SGCZ: variants seen among roughly 807,000 people sequenced by gnomAD.
The protein encoded by SGCZ is sarcoglycan zeta.
In SGCZ, 40 loss-of-function variants were observed where a neutral mutation model predicts 41.3. The ratio of observed to expected loss-of-function variants is 0.97; its 90% CI spans 0.75 to 1.26. The LOEUF is 1.26. Ranked by LOEUF, SGCZ falls within the 50% of genes most tolerant of loss-of-function variation. SGCZ has a pLI of 0.00. For missense variants in SGCZ, 552 were observed against 369.8 expected (o/e 1.49, Z -4.04); for synonymous variants, 206 against 137.5 (o/e 1.50, Z -3.49).
intron 5 of SGCZ, among the ~76,000 whole-genome samples, chr8:14,127,595 A>G (rs1171063078): frequency 1.3e-5 from 2 of 152,000 alleles, no homozygotes; most frequent in African/African-American, 2.4e-5. Context: ...AGCTGGGACT[A>G]CAGGCACCCA....
intron 1 of SGCZ, among the ~76,000 whole-genome samples, chr8:14,566,874 C>A (rs973408376): frequency 6.6e-6 from 1 of 152,190 alleles, no homozygotes; most frequent in African/African-American, 2.4e-5. Flanking sequence ...CGGGCCAGTG[C>A]GAGTTCCAGG....
chr8:15,142,783 T>C (rs1474675882), intron 1 of SGCZ, among the ~76,000 whole-genome samples: 1 of 152,002 alleles, frequency 6.6e-6, no homozygotes, highest in Non-Finnish European at 1.5e-5. Context: ...AGCTACTTTT[T>C]GTATTTTTGT....
intron 2 of SGCZ, among the ~76,000 whole-genome samples, chr8:14,441,531 C>T (rs912870485): frequency 5.3e-5 from 8 of 152,124 alleles, no homozygotes; most frequent in African/African-American, 1.2e-4. Context: ...GCCAAGATCA[C>T]GTCACTGCAC....
intron 1 of SGCZ, among the ~76,000 whole-genome samples, chr8:15,142,916 G>C (rs1326436236): frequency 6.6e-6 from 1 of 152,074 alleles, no homozygotes; most frequent in South Asian, 2.1e-4. Context: ...AGCCAAAAAT[G>C]CTACTTTAAA....
intron 1 of SGCZ, among the ~76,000 whole-genome samples, chr8:14,719,188 A>T (rs965118940): frequency 6.7e-6 from 1 of 149,560 alleles, no homozygotes; most frequent in Non-Finnish European, 1.5e-5. Context: ...TGAACTCATC[A>T]TTTTTTATGG....
chr8:14,909,371 C>T (rs1223611469), intron 1 of SGCZ, among the ~76,000 whole-genome samples: 1 of 152,064 alleles, frequency 6.6e-6, no homozygotes. Context: ...GTGTGAACTT[C>T]ACTGTCTTTA....
intron 1 of SGCZ, among the ~76,000 whole-genome samples, chr8:14,803,235 C>T (rs1283745455): frequency 3.3e-5 from 5 of 152,026 alleles, no homozygotes; most frequent in Non-Finnish European, 5.9e-5. Flanking sequence ...CCAAGATGGC[C>T]GAATAGGAAC....
At chr8:14,683,862 TC>T (rs1045634333) in intron 1 of SGCZ, among the ~76,000 whole-genome samples, 3 of 152,146 alleles carry the variant, frequency 2.0e-5, no homozygotes, top group Non-Finnish European at 4.4e-5. Flanking sequence ...AGAAGTTATA[TC>T]CTCTGATACA....
intron 2 of SGCZ, among the ~76,000 whole-genome samples, chr8:14,543,031 A>C (rs1173314319): frequency 6.6e-6 from 1 of 151,532 alleles, no homozygotes; most frequent in East Asian, 1.9e-4. Context: ...GAGCTATTAC[A>C]CTCTGTGTTA....
At chr8:14,702,842 TAGATAGATAGATAGA>T in intron 1 of SGCZ, among the ~76,000 whole-genome samples, 1 of 123,544 alleles carries the variant, frequency 8.1e-6, no homozygotes, top group East Asian at 2.3e-4. Flanking sequence ...GATAGATAGA[TAGATAGATAGATAGA>T]TAGATAGATA....
chr8:14,142,758 A>G (rs1054712094), intron 5 of SGCZ, among the ~76,000 whole-genome samples: 1 of 152,068 alleles, frequency 6.6e-6, no homozygotes. Flanking sequence ...ATGGTCTAGC[A>G]CCATCCCCCA....
Position 14,697,915 on chromosome 8 carries a change from C to G in SGCZ, c.40-142989G>C, listed in dbSNP as rs77862164. ...TCCCTCTATTGTCAGCCCTCCCTCT[C>G]TATATGTTAGAATCCCACAGCTAGA... is the stretch of plus-strand genomic sequence containing the variant. On this transcript the variant is annotated intron_variant, in intron 1 of 7. Transcript: ENST00000382080. 8.9e-3 allele frequency among the ~76,000 whole-genome samples: 1,346 copies of G among 152,080 alleles called. 17 individuals carry two copies. Among genetic ancestry groups the G allele is most frequent in the African/African-American group, 0.031 (1,270 of 41,532 alleles).
chr8:15,209,232 C>T (rs962179781), intron 1 of SGCZ, among the ~76,000 whole-genome samples: 1 of 152,028 alleles, frequency 6.6e-6, no homozygotes, highest in Non-Finnish European at 1.5e-5. Flanking sequence ...GCTAGACTTG[C>T]AGGAAATATA....
At chr8:15,131,771 GA>G (rs11336212) in intron 1 of SGCZ, among the ~76,000 whole-genome samples, 92,539 of 151,886 alleles carry the variant, frequency 0.61, 28,591 homozygotes, top group Admixed American at 0.68. Context: ...CTTATCCCAT[GA>G]AAACTAGCCA....
At position 15,198,061 on chromosome 8, in the gene SGCZ, T is replaced by C. The variant is rs138261824; in HGVS notation, c.39+39524A>G. 7.8e-3 allele frequency among the ~76,000 whole-genome samples: 1,155 copies of C among 148,770 alleles called. 13 individuals carry two copies. Among genetic ancestry groups the C allele is most frequent in the African/African-American group, 0.025 (1,032 of 40,974 alleles). ...TATATTTATATTATATATTACATTA[T>C]ATATGTATAATGGCAATTTGATATG... On this transcript the variant is annotated intron_variant, in intron 1 of 7. Transcript: ENST00000382080.
chr8:15,197,134 T>G (rs1800756302), intron 1 of SGCZ, among the ~76,000 whole-genome samples: 1 of 152,166 alleles, frequency 6.6e-6, no homozygotes, highest in African/African-American at 2.4e-5. Flanking sequence ...AACCCCTTTG[T>G]GGGAGGAGCT....
At chr8:14,419,116 A>C (rs893210713) in intron 2 of SGCZ, among the ~76,000 whole-genome samples, 3 of 151,954 alleles carry the variant, frequency 2.0e-5, no homozygotes, top group Non-Finnish European at 4.4e-5. Context: ...CATTTGGGAA[A>C]AGTATAATAA....
chr8:14,828,437 T>C (rs776712348), intron 1 of SGCZ, among the ~76,000 whole-genome samples: 1 of 152,230 alleles, frequency 6.6e-6, no homozygotes, highest in Non-Finnish European at 1.5e-5. Flanking sequence ...AAGCAAACTC[T>C]ACTTGATGGT....
intron 2 of SGCZ, among the ~76,000 whole-genome samples, chr8:14,367,022 C>G (rs1354485003): frequency 6.6e-6 from 1 of 152,070 alleles, no homozygotes; most frequent in South Asian, 2.1e-4. Flanking sequence ...TTCTTTTCTA[C>G]TGCATTGTCA....
Sources: gnomAD v4.1 joint callset for allele counts (sites outside exome capture counted in the v4.1 genomes callset) on GRCh38, gnomAD v4.1.1 for gene constraint, MANE v1.5 for transcripts, NCBI Gene and HGNC (gene_info 2026-07-23, HGNC 2026-07-21) for gene names.